Variants in RAP1GAP2 observed in about 807,000 individuals in gnomAD.
RAP1GAP2 encodes rap1 GTPase-activating protein 2.
A neutral mutation model predicts 95.0 loss-of-function variants in RAP1GAP2; 27 were observed. The observed-to-expected ratio is 0.28, with a 90% confidence interval of 0.21 to 0.39. The LOEUF is 0.39. Among genes scored for constraint, RAP1GAP2 ranks in the 10% least tolerant of loss-of-function variants. RAP1GAP2 has a pLI of 1.00. For missense variants in RAP1GAP2, 771 were observed against 970.0 expected (o/e 0.79, Z 2.72); for synonymous variants, 373 against 380.9 (o/e 0.98, Z 0.24).
At chr17:2,835,980 C>T (rs994150893) in intron 2 of RAP1GAP2, among the ~76,000 whole-genome samples, 2 of 152,108 alleles carry the variant, frequency 1.3e-5, no homozygotes, top group African/African-American at 2.4e-5. Context: ...GAGGACTGTG[C>T]GCAGACCGCC....
At chr17:2,998,883 G>A (rs755776367) in intron 14 of RAP1GAP2, among the ~76,000 whole-genome samples, 6 of 152,206 alleles carry the variant, frequency 3.9e-5, no homozygotes, top group South Asian at 2.1e-4. Flanking sequence ...AAGAAAGAGC[G>A]TGGAAAGGAC....
At chr17:2,974,651 T>C (rs2045031363) in intron 8 of RAP1GAP2, among the ~76,000 whole-genome samples, 1 of 151,830 alleles carries the variant, frequency 6.6e-6, no homozygotes, top group Non-Finnish European at 1.5e-5. Context: ...TAAACAAAAG[T>C]AGCAAGGACA....
intron 1 of RAP1GAP2, among the ~76,000 whole-genome samples, chr17:2,757,356 G>A (rs8080633): frequency 0.075 from 11,445 of 152,124 alleles, 1,266 homozygotes; most frequent in African/African-American, 0.24. Flanking sequence ...TCCTGGGCTC[G>A]AGCGATCTAC....
intron 19 of RAP1GAP2, among the ~76,000 whole-genome samples, chr17:3,025,550 A>G (rs2047082747): frequency 6.6e-6 from 1 of 152,186 alleles, no homozygotes; most frequent in Non-Finnish European, 1.5e-5. Flanking sequence ...AGGAGCTCGT[A>G]TTCTAGTCTA....
upstream of RAP1GAP2, among the ~76,000 whole-genome samples, chr17:2,776,854 GGA>G (rs1239697046): frequency 1.4e-4 from 21 of 151,758 alleles, no homozygotes; most frequent in African/African-American, 4.8e-4. Context: ...AGGAGGAGGA[GGA>G]GGGGGCTGGG....
At chr17:2,860,666 C>T (rs12452453) in intron 2 of RAP1GAP2, among the ~76,000 whole-genome samples, 21,870 of 140,986 alleles carry the variant, frequency 0.16, 1,802 homozygotes, top group East Asian at 0.25. Flanking sequence ...TGCAGTGGCG[C>T]GATCTCAGCT....
chr17:2,897,507 A>G (rs2041875404), intron 2 of RAP1GAP2, among the ~76,000 whole-genome samples: 1 of 150,354 alleles, frequency 6.7e-6, no homozygotes, highest in Non-Finnish European at 1.5e-5. Context: ...GCCTCCTGGG[A>G]TCAAGCAATT....
At position 3,008,721 on chromosome 17, in the gene RAP1GAP2, T is replaced by C. The variant is rs1485493332; in HGVS notation, c.1494+576T>C. Among the ~76,000 whole-genome samples, 1 of 152,190 alleles carries C rather than the reference T, an allele frequency of 6.6e-6. No homozygotes were observed. Among genetic ancestry groups the C allele is most frequent in the Non-Finnish European group, 1.5e-5 (1 of 68,026 alleles). The stretch of plus-strand genomic sequence containing the variant: ...AGTGAGCTCCCTGTCCCTGGAAGTA[T>C]TCAAGTGGAGCTCGGACGGCCCCCG... On this transcript the variant is annotated intron_variant, in intron 17 of 24. Transcript: ENST00000254695. This position sits in a 1 kb window ranked among gnomAD's most constrained non-coding sequence, Gnocchi z 4.2.
At chr17:2,957,447 T>C (rs1161410538) in intron 3 of RAP1GAP2, among the ~76,000 whole-genome samples, 1 of 152,206 alleles carries the variant, frequency 6.6e-6, no homozygotes, top group Non-Finnish European at 1.5e-5. Context: ...CCGAGGACGA[T>C]AGGCGTTTGC....
intron 11 of RAP1GAP2, among the ~76,000 whole-genome samples, chr17:2,986,363 C>T (rs2045558128): frequency 6.6e-6 from 1 of 152,002 alleles, no homozygotes. Flanking sequence ...GCTAATAAAA[C>T]CCCCTAATTA....
intron 13 of RAP1GAP2, among the ~76,000 whole-genome samples, chr17:2,995,861 T>TG (rs1377794165): frequency 3.9e-5 from 6 of 152,054 alleles, no homozygotes; most frequent in Admixed American, 3.9e-4. Flanking sequence ...AAAGGGTGCA[T>TG]GGTGGGGTTT....
At chr17:2,818,155 G>C (rs1010243256) in intron 2 of RAP1GAP2, among the ~76,000 whole-genome samples, 2 of 151,684 alleles carry the variant, frequency 1.3e-5, no homozygotes, top group African/African-American at 4.8e-5. Context: ...AATTTTTTTA[G>C]CTTTTTTTAA....
rs571620228 is a variant in RAP1GAP2 at position 2,870,240 on chromosome 17, C to T, written c.81-35044C>T. Among the ~76,000 whole-genome samples, 1 of 152,042 alleles carries T rather than the reference C, an allele frequency of 6.6e-6. No homozygotes were observed. The highest frequency in any genetic ancestry group is 6.6e-5 in the Admixed American group (1 of 15,260). On this transcript the variant is annotated intron_variant, in intron 2 of 24. Coordinates refer to ENST00000254695, the MANE Select transcript of RAP1GAP2 (RefSeq NM_015085.5). The surrounding 1 kb of genome is among the most constrained non-coding windows in gnomAD (Gnocchi z 4.4). The stretch of plus-strand genomic sequence containing the variant: ...AAGTGATTCTCCTTGCCTTAGCCTC[C>T]CGAGTAGCTGGGATTACAGGCGCCC...
At chr17:2,924,767 T>A (rs2042897811) in intron 3 of RAP1GAP2, among the ~76,000 whole-genome samples, 1 of 152,138 alleles carries the variant, frequency 6.6e-6, no homozygotes, top group African/African-American at 2.4e-5. Flanking sequence ...AGGGGGAATG[T>A]CCCCTCCCCA....
intron 5 of RAP1GAP2, 140 bp downstream of exon 5, chr17:2,962,854 C>T (rs76817956): frequency 0.13 from 103,493 of 806,374 alleles, 7,172 homozygotes; most frequent in Non-Finnish European, 0.14. Flanking sequence ...GGCCGCTTCA[C>T]GACTGCCTTG....
At chr17:2,770,212 A>AG (rs1440899464) in intron 1 of RAP1GAP2, 1 of 396,840 alleles carries the variant, frequency 2.5e-6, no homozygotes, top group Admixed American at 4.4e-5. Context: ...GCAGATGAGC[A>AG]GGAGGGATAT....
intron 2 of RAP1GAP2, among the ~76,000 whole-genome samples, chr17:2,849,813 G>A (rs763206314): frequency 6.6e-6 from 1 of 152,172 alleles, no homozygotes; most frequent in Admixed American, 6.6e-5. Context: ...GACTTCTGCC[G>A]TCCTCATTTC....
At position 2,959,222 on chromosome 17, in the gene RAP1GAP2, C is replaced by T. The variant is rs146249692; in HGVS notation, c.201+1428C>T. Among the ~76,000 whole-genome samples, 425 of 152,290 alleles carry T rather than the reference C, an allele frequency of 2.8e-3. 2 individuals are homozygous for T. Among genetic ancestry groups the T allele is most frequent in the African/African-American group, 9.7e-3 (405 of 41,556 alleles). Reference sequence around the variant, plus strand: ...GTCCCCTTCCCACAACTTTGCCCCACACAGGGTCTCTCTGAGCACAGCATT... The same window carrying T: ...GTCCCCTTCCCACAACTTTGCCCCATACAGGGTCTCTCTGAGCACAGCATT... On this transcript the variant is annotated intron_variant, in intron 4 of 24. Transcript: ENST00000254695.
intron 3 of RAP1GAP2, among the ~76,000 whole-genome samples, chr17:2,924,665 C>T (rs1201196558): frequency 6.6e-6 from 1 of 151,916 alleles, no homozygotes; most frequent in Non-Finnish European, 1.5e-5. Flanking sequence ...GTTTGCTTCC[C>T]CGAGGATCAT....
Sources: gnomAD v4.1 joint callset for allele counts (sites outside exome capture counted in the v4.1 genomes callset) on GRCh38, gnomAD v4.1.1 for gene constraint, Gnocchi (gnomAD v3.1) non-coding constraint, MANE v1.5 for transcripts, NCBI Gene and HGNC (gene_info 2026-07-23, HGNC 2026-07-21) for gene names.